CLSPN: variants seen among roughly 807,000 people sequenced by gnomAD.
The protein encoded by CLSPN is claspin, also known as claspin homolog.
A neutral mutation model predicts 156.3 loss-of-function variants in CLSPN; 85 were observed. The ratio of observed to expected loss-of-function variants is 0.54; its 90% CI spans 0.46 to 0.65. The LOEUF is 0.65. Ranked by LOEUF, CLSPN falls within the 30% of genes least tolerant of loss-of-function variation. CLSPN has a pLI of 0.00. For synonymous variants in CLSPN, 534 were observed against 542.4 expected (o/e 0.98, Z 0.22); for missense variants, 1,407 against 1,554.9 (o/e 0.90, Z 1.60).
intron 4 of CLSPN, 52 bp downstream of exon 4, chr1:35,763,108 G>T: frequency 7.4e-7 from 1 of 1,347,746 alleles, no homozygotes; most frequent in Non-Finnish European, 9.7e-7. Context: ...TAAAAATATA[G>T]CAAAGGTCAG....
chr1:35,737,566 A>G (rs1641520718), intron 22 of CLSPN, 145 bp from the exon 23 acceptor site: 1 of 600,562 alleles, frequency 1.7e-6, no homozygotes. Flanking sequence ...CTTTCAAACT[A>G]TAATAATTGG....
chr1:35,751,613 A>C, intron 9 of CLSPN, 107 bp from the exon 10 acceptor site: 2 of 1,405,688 alleles, frequency 1.4e-6, no homozygotes, highest in Non-Finnish European at 1.9e-6. Flanking sequence ...AAAATCTGAG[A>C]CTCTAGTATT....
At chr1:35,741,785 C>G (rs886079680) in intron 18 of CLSPN, among the ~76,000 whole-genome samples, 1 of 151,156 alleles carries the variant, frequency 6.6e-6, no homozygotes, top group Non-Finnish European at 1.5e-5. Context: ...CCATCCTGAC[C>G]AACATGGTGA....
At position 35,751,382 on chromosome 1, in the gene CLSPN, C is replaced by T. The variant is rs767336718; in HGVS notation, c.1896G>A (p.Glu632=). ...CATCTGTCATTTCTTCCTCTTCCTC[C>T]TCCTCTTCCTCAAACCCATCTTCAT... is the stretch of plus-strand genomic sequence containing the variant. ...LDNEDGFEEE[E]EEEEEMTDES... The change falls in exon 10 of 25, where the codon GAG becomes GAA. Residue 632 remains glutamate, a synonymous_variant. Transcript: ENST00000318121. 6.2e-7 allele frequency: 1 copy of T among 1,612,142 alleles called. No individual in the cohort carries two copies.
At chr1:35,765,374 C>A (rs1256084347) in intron 1 of CLSPN, 48 bp from the exon 2 acceptor site, 1 of 1,274,270 alleles carries the variant, frequency 7.8e-7, no homozygotes, top group South Asian at 1.2e-5. Context: ...TGACCGAAAG[C>A]TCCAAGTACA....
rs1357028132 is a variant in CLSPN at position 35,760,462 on chromosome 1, C to G, written c.1459G>C (p.Glu487Gln). The change falls in exon 8 of 25, where the codon GAA becomes CAA. Residue 487 changes from glutamate (E) to glutamine (Q), a missense_variant. Transcript: ENST00000318121. The stretch of plus-strand genomic sequence containing the variant: ...TCCAGAGTAAACCGTCTCACTTTTT[C>G]AGGTGGCCCAACTGCTGATGATTTA... ...QNKSSAVGPP[E>Q]KVRRFTLDRL... 27 of 1,614,076 alleles carry G rather than the reference C, an allele frequency of 1.7e-5. No individual in the cohort carries two copies. The highest frequency in any genetic ancestry group is 2.3e-5 in the Non-Finnish European group (27 of 1,180,034).
chr1:35,738,839 C>T (rs566709037), intron 20 of CLSPN, among the ~76,000 whole-genome samples: 3 of 144,178 alleles, frequency 2.1e-5, no homozygotes, highest in Non-Finnish European at 3.0e-5. Flanking sequence ...CTCGCTCTGT[C>T]GCCCAGGCTG....
At chr1:35,753,157 A>G (rs1369952308) in intron 9 of CLSPN, among the ~76,000 whole-genome samples, 1 of 152,170 alleles carries the variant, frequency 6.6e-6, no homozygotes, top group East Asian at 1.9e-4. Flanking sequence ...CAGTGCCACA[A>G]TCATGACTCA....
intron 8 of CLSPN, among the ~76,000 whole-genome samples, chr1:35,757,761 A>G (rs1291447749): frequency 6.6e-6 from 1 of 152,162 alleles, no homozygotes; most frequent in Non-Finnish European, 1.5e-5. Flanking sequence ...TTGCTAATGG[A>G]GCTATGCTAG....
In CLSPN at chr1:35,769,908, T is replaced by G. The variant is rs776841552; in HGVS notation, c.-38A>C. The G allele has an allele frequency of 3.1e-6, 5 of 1,605,862 alleles. No homozygotes were observed. The South Asian group carries it at 5.6e-5, about 18-fold the overall frequency. On this transcript the variant is annotated 5_prime_UTR_variant, in exon 1 of 25. Transcript: ENST00000318121. ...CCCTGCGCTCCACTAGGGACGGAGCTGTCTCTGATTCCCTCAGCCGGAGAG... is the reference window on the plus strand; with the variant it reads ...CCCTGCGCTCCACTAGGGACGGAGCGGTCTCTGATTCCCTCAGCCGGAGAG...
chr1:35,723,401 C>T (rs989794638), intron 24 of CLSPN, among the ~76,000 whole-genome samples: 4 of 152,176 alleles, frequency 2.6e-5, no homozygotes, highest in Non-Finnish European at 5.9e-5. Flanking sequence ...ATCCAGGTCC[C>T]AGGGCCTGGG....
chr1:35,742,804 T>TG (rs1557505518), intron 18 of CLSPN, among the ~76,000 whole-genome samples: 1 of 149,670 alleles, frequency 6.7e-6, no homozygotes, highest in East Asian at 2.0e-4. Flanking sequence ...TGAAATGCAG[T>TG]GGTGCGATCT....
At position 35,764,547 on chromosome 1, in the gene CLSPN, T is replaced by C. The variant is rs753884504; in HGVS notation, c.301A>G (p.Lys101Glu). Residue 101 changes from lysine (K) to glutamate (E), a missense_variant, in exon 3 of 25, where the codon AAA becomes GAA. This residue lies in a region of CLSPN where 1,096 missense variants were observed against 1,193.0 expected (regional missense o/e 0.92). Coordinates refer to ENST00000318121, the MANE Select transcript of CLSPN (RefSeq NM_022111.4). ...NLYAGKNTKI[K>E]RIYKTVADSD... The stretch of plus-strand genomic sequence containing the variant: ...TCTGCCACAGTTTTGTAAATCCTTT[T>C]GATTTTTGTATTTTTCCCAGCATAT... The C allele has an allele frequency of 2.2e-5, 35 of 1,613,950 alleles. No individual in the cohort carries two copies. Among genetic ancestry groups the C allele is most frequent in the South Asian group, 5.5e-5 (5 of 91,070 alleles).
chr1:35,762,391 G>C lies in CLSPN; in HGVS notation c.822+13C>G. 1 of 1,602,982 alleles carries C rather than the reference G, an allele frequency of 6.2e-7. No homozygotes were observed. Among genetic ancestry groups the C allele is most frequent in the Non-Finnish European group, 8.5e-7 (1 of 1,170,144 alleles). On this transcript the variant is annotated intron_variant, in intron 5 of 24. Coordinates refer to ENST00000318121, the MANE Select transcript of CLSPN (RefSeq NM_022111.4). ...AGAGATCAGTGTGACTAATATACAG[G>C]GCTCTACCTCACCTTCCTCGTGGTT...
downstream of CLSPN, among the ~76,000 whole-genome samples, chr1:35,728,961 CA>C: frequency 1.3e-5 from 2 of 150,838 alleles, no homozygotes; most frequent in East Asian, 2.0e-4. Context: ...CACACACACA[CA>C]CACACACACA....
Position 35,760,387 on chromosome 1 carries a change from C to G in CLSPN, c.1534G>C (p.Ala512Pro), listed in dbSNP as rs1250579014. The G allele has an allele frequency of 1.2e-5, 20 of 1,614,134 alleles. No individual in the cohort carries two copies. The highest frequency in any genetic ancestry group is 1.7e-5 in the Non-Finnish European group (20 of 1,179,990). Residue 512 changes from alanine to proline, a missense_variant, in exon 8 of 25, where the codon GCT becomes CCT. Around this residue, in one of 3 missense-constraint regions of CLSPN, gnomAD observed 1,096 missense variants for 1,193.0 expected, o/e 0.92. Coordinates refer to ENST00000318121, the MANE Select transcript of CLSPN (RefSeq NM_022111.4). Reference protein sequence around the residue: ...VDVSIKPRLGADEDSFVILEP... With the variant: ...VDVSIKPRLGPDEDSFVILEP... Reference sequence around the variant, plus strand: ...AGTATCACAAAGGAATCTTCATCAGCACCTAGCCGTGGTTTAATGGAAACA... The same window carrying G: ...AGTATCACAAAGGAATCTTCATCAGGACCTAGCCGTGGTTTAATGGAAACA...
chr1:35,730,483 T>C (rs894018804), downstream of CLSPN, among the ~76,000 whole-genome samples: 10 of 141,816 alleles, frequency 7.1e-5, no homozygotes, highest in South Asian at 4.5e-4. Context: ...GGCAGGAGAA[T>C]TGATTGCCCG....
chr1:35,756,347 T>C (rs1445928292), intron 8 of CLSPN, among the ~76,000 whole-genome samples: 4 of 152,184 alleles, frequency 2.6e-5, no homozygotes, highest in African/African-American at 9.7e-5. Flanking sequence ...TACCTGGGAC[T>C]TAAAATAGTA....
chr1:35,739,652 T>A, intron 18 of CLSPN, 123 bp from the exon 19 acceptor site: 2 of 686,888 alleles, frequency 2.9e-6, no homozygotes, highest in Admixed American at 7.0e-5. Flanking sequence ...TGATAATATT[T>A]AAATTTTTTT....
Sources: allele counts gnomAD v4.1 joint callset (sites outside exome capture counted in the v4.1 genomes callset), GRCh38; gene constraint gnomAD v4.1.1; regional missense constraint gnomAD v4.1.1; transcripts MANE v1.5; gene names NCBI Gene and HGNC (gene_info 2026-07-23, HGNC 2026-07-21).